The following RBBP6 variants were observed in gnomAD, a reference collection of about 807,000 sequenced individuals.
RBBP6 encodes the protein RB binding protein 6, ubiquitin ligase, also known as E3 ubiquitin-protein ligase RBBP6.
Under a neutral mutation model 167.7 loss-of-function variants are expected in RBBP6, and 25 were observed. The ratio of observed to expected loss-of-function variants is 0.15; its 90% CI spans 0.11 to 0.21. The LOEUF is 0.21. RBBP6 is among the 10% of genes least tolerant of loss of function. The pLI is 1.00. For synonymous variants in RBBP6, 789 were observed against 735.8 expected (o/e 1.07, Z -1.17); for missense variants, 1,868 against 2,134.2 (o/e 0.88, Z 2.46).
At chr16:24,551,939 A>T (rs1044852327) in intron 3 of RBBP6, among the ~76,000 whole-genome samples, 1 of 151,814 alleles carries the variant, frequency 6.6e-6, no homozygotes, top group Non-Finnish European at 1.5e-5. Flanking sequence ...CTTATTTTAG[A>T]TAAAAAGAGA....
intron 2 of RBBP6, among the ~76,000 whole-genome samples, chr16:24,547,473 T>C (rs976863010): frequency 6.6e-6 from 1 of 152,176 alleles, no homozygotes; most frequent in Non-Finnish European, 1.5e-5. Flanking sequence ...TTTGTTTTGT[T>C]TTTTCCTGAG....
chr16:24,572,402 A>AG lies in RBBP6; in HGVS notation c.5337dup (p.Lys1780GlufsTer5), dbSNP rs1358942185. 6.5e-7 allele frequency: 1 copy of AG among 1,533,330 alleles called. No individual in the cohort carries two copies. The highest frequency in any genetic ancestry group is 8.8e-7 in the Non-Finnish European group (1 of 1,142,448). The allele number at this position is 1,533,330 out of a possible 1,614,324, so 95.0% of individuals were successfully genotyped here. A position where few individuals can be genotyped will look rare whatever the true frequency, so the allele number is the denominator to read the frequency against. On this transcript the variant is annotated frameshift_variant, in exon 18 of 18. Transcript: ENST00000319715. LOFTEE classifies it high-confidence loss of function. ...AAGAAGAACAAAGATAAAGAGAAGG[A>AG]GAAGGAGAAAGATGACCAAAAAGTG... is the stretch of plus-strand genomic sequence containing the variant.
Position 24,569,018 on chromosome 16 carries a change from T to G in RBBP6, c.2328T>G (p.Phe776Leu). Reference protein sequence around the residue: ...YHSRSRSPQAFRGQSPNKRNV... With the variant: ...YHSRSRSPQALRGQSPNKRNV... ...CACGATCAAGATCTCCTCAAGCGTT[T>G]AGGGGACAGTCTCCTAATAAACGTA... is the stretch of plus-strand genomic sequence containing the variant. Residue 776 changes from phenylalanine to leucine, a missense_variant, in exon 17 of 18, where the codon TTT (phenylalanine) becomes TTG (leucine). This residue lies in a region of RBBP6 where 673 missense variants were observed against 691.5 expected (regional missense o/e 0.97). Transcript: ENST00000319715. 6.2e-7 allele frequency: 1 copy of G among 1,614,214 alleles called. No homozygotes were observed. Among genetic ancestry groups the G allele is most frequent in the African/African-American group, 1.3e-5 (1 of 75,062 alleles).
chr16:24,561,715 GGTAACT>G lies in RBBP6; in HGVS notation c.951+3_951+8del. The G allele has an allele frequency of 1.2e-6, 2 of 1,612,898 alleles. No homozygotes were observed. Among genetic ancestry groups the G allele is most frequent in the Non-Finnish European group, 1.7e-6 (2 of 1,179,074 alleles). On this transcript the variant is annotated splice_donor_variant and splice_donor_5th_base_variant and intron_variant, in intron 9 of 17. Coordinates refer to ENST00000319715, the MANE Select transcript of RBBP6 (RefSeq NM_006910.5). LOFTEE classifies it high-confidence loss of function. ...TAATTGCCAATAAATTTTTACGACA[GGTAACT>G]GTCTGTATCCATTTTATGAAAAAAT...
In RBBP6 at chr16:24,540,882, T is replaced by C. The variant is rs1898468122; in HGVS notation, c.166+90T>C. On this transcript the variant is annotated intron_variant, in intron 1 of 17. Coordinates refer to ENST00000319715, the MANE Select transcript of RBBP6 (RefSeq NM_006910.5). ...GCAGGAAGCTAACCGCCATTATGTC[T>C]CTAGTGGGGACTGTTCGTTCTAGTA... is the stretch of plus-strand genomic sequence containing the variant. 2.6e-5 allele frequency: 38 copies of C among 1,463,588 alleles called. No individual in the cohort carries two copies. In the South Asian group the frequency reaches 5.0e-4, roughly 19 times the overall value. 90.7% of individuals were successfully genotyped at this position (1,463,588 alleles called of 1,614,324 possible). A position where few individuals can be genotyped will look rare whatever the true frequency, so the allele number is the denominator to read the frequency against.
chr16:24,543,675 C>T (rs187774111), intron 1 of RBBP6, among the ~76,000 whole-genome samples: 3 of 152,166 alleles, frequency 2.0e-5, no homozygotes, highest in Admixed American at 2.0e-4. Flanking sequence ...AAGAATCCTG[C>T]TTGTTTCTAG....
chr16:24,545,900 A>G (rs1898632920), intron 1 of RBBP6, among the ~76,000 whole-genome samples: 1 of 152,222 alleles, frequency 6.6e-6, no homozygotes, highest in South Asian at 2.1e-4. Flanking sequence ...CTAAAGAATG[A>G]CGGTGTTACT....
chr16:24,559,628 G>T lies in RBBP6; in HGVS notation c.798G>T (p.Met266Ile). Residue 266 changes from methionine (M) to isoleucine (I), a missense_variant, in exon 8 of 18, where the codon ATG becomes ATT. By Grantham distance (10) the Met-to-Ile change is conservative. Coordinates refer to ENST00000319715, the MANE Select transcript of RBBP6 (RefSeq NM_006910.5). ...ELLCLICKDI[M>I]TDAVVIPCCG... ...TGTGTCTCATCTGCAAGGATATTATGACTGATGCTGTTGTGATTCCCTGCT... is the reference window on the plus strand; with the variant it reads ...TGTGTCTCATCTGCAAGGATATTATTACTGATGCTGTTGTGATTCCCTGCT... The T allele has an allele frequency of 6.3e-7, 1 of 1,597,096 alleles. No homozygotes were observed. The highest frequency in any genetic ancestry group is 8.5e-7 in the Non-Finnish European group (1 of 1,170,660).
chr16:24,561,141 CT>C (rs1236307631), intron 8 of RBBP6, among the ~76,000 whole-genome samples: 2 of 152,036 alleles, frequency 1.3e-5, no homozygotes, highest in African/African-American at 4.8e-5. Flanking sequence ...AAATTTTTGT[CT>C]TTCTAGACTA....
intron 2 of RBBP6, among the ~76,000 whole-genome samples, chr16:24,546,653 T>G (rs1898661095): frequency 6.6e-6 from 1 of 152,206 alleles, no homozygotes; most frequent in Admixed American, 6.5e-5. Flanking sequence ...TCAAGAGTAT[T>G]CAGTAATGCT....
At chr16:24,548,296 G>A (rs958116889) in intron 2 of RBBP6, among the ~76,000 whole-genome samples, 6 of 149,334 alleles carry the variant, frequency 4.0e-5, no homozygotes, top group African/African-American at 1.5e-4. Flanking sequence ...GTGTTTTTCT[G>A]GGAGTGAGAA....
intron 6 of RBBP6, 103 bp downstream of exon 6, chr16:24,556,020 T>C (rs1383260134): frequency 9.0e-7 from 1 of 1,110,684 alleles, no homozygotes; most frequent in South Asian, 1.4e-5. Flanking sequence ...CTGTAGACAA[T>C]GGCAAATGAG....
chr16:24,559,735 A>T (rs778349718), intron 8 of RBBP6, 58 bp downstream of exon 8: 78 of 1,403,330 alleles, frequency 5.6e-5, no homozygotes, highest in South Asian at 4.7e-4. Flanking sequence ...TTTACTTGGA[A>T]TGGCTCTTCC....
chr16:24,549,976 T>G (rs1272167136), intron 3 of RBBP6, among the ~76,000 whole-genome samples: 2 of 151,948 alleles, frequency 1.3e-5, no homozygotes, highest in Non-Finnish European at 2.9e-5. Flanking sequence ...CATTCCTAAG[T>G]TGTGGGGTGA....
intron 7 of RBBP6, chr16:24,558,553 C>G (rs534192299): frequency 1.1e-6 from 1 of 891,102 alleles, no homozygotes; most frequent in Non-Finnish European, 1.3e-6. Context: ...CTCTGTACAG[C>G]CGAGATTCTT....
intron 3 of RBBP6, among the ~76,000 whole-genome samples, chr16:24,549,743 T>A (rs1489732138): frequency 1.3e-5 from 2 of 152,038 alleles, no homozygotes; most frequent in Non-Finnish European, 2.9e-5. Context: ...AATGAGATCT[T>A]CCACTTCTAT....
At chr16:24,554,684 TG>T (rs1898872790) in intron 4 of RBBP6, 1 of 152,076 alleles carries the variant, frequency 6.6e-6, no homozygotes, top group African/African-American at 2.4e-5. Flanking sequence ...TCTTATGTAC[TG>T]TAAGGACCAT....
In RBBP6 at chr16:24,564,837, A is replaced by C; in HGVS notation, c.1561A>C (p.Ile521Leu). ...CTATCTGGTTTCTCCACCACAACAA[A>C]TTAGAAGAGGGGAGAGGAGCTGCTA... ...LGYLVSPPQQ[I>L]RRGERSCYRS... Residue 521 changes from isoleucine to leucine, a missense_variant, in exon 14 of 18, where the codon ATT becomes CTT. This residue lies in a region of RBBP6 where 245 missense variants were observed against 240.1 expected (regional missense o/e 1.02). Coordinates refer to ENST00000319715, the MANE Select transcript of RBBP6 (RefSeq NM_006910.5). 1 of 1,613,248 alleles carries C rather than the reference A, an allele frequency of 6.2e-7. No individual in the cohort carries two copies. Among genetic ancestry groups the C allele is most frequent in the African/African-American group, 1.3e-5 (1 of 75,002 alleles).
intron 1 of RBBP6, among the ~76,000 whole-genome samples, chr16:24,543,442 CT>C (rs2141453297): frequency 6.6e-6 from 1 of 152,062 alleles, no homozygotes; most frequent in South Asian, 2.1e-4. Context: ...ACCACCATGC[CT>C]GGCTAATTTA....
Sources: allele counts gnomAD v4.1 joint callset (sites outside exome capture counted in the v4.1 genomes callset), GRCh38; gene constraint gnomAD v4.1.1; regional missense constraint gnomAD v4.1.1; transcripts MANE v1.5; gene names NCBI Gene and HGNC (gene_info 2026-07-23, HGNC 2026-07-21).